UBE3D: variants seen among roughly 807,000 people sequenced by gnomAD.
The protein encoded by UBE3D is ubiquitin protein ligase E3D, also known as E3 ubiquitin-protein ligase E3D.
In UBE3D, 48 loss-of-function variants were observed where a neutral mutation model predicts 49.6. That is an observed-to-expected ratio of 0.97 (90% CI 0.77 to 1.23). The LOEUF (loss-of-function observed/expected upper bound fraction) is 1.23. Among genes scored for constraint, UBE3D ranks in the 50% most tolerant of loss-of-function variants. The pLI is 0.00. For missense variants in UBE3D, 452 were observed against 468.4 expected (o/e 0.96, Z 0.32); for synonymous variants, 189 against 174.2 (o/e 1.08, Z -0.67).
chr6:83,013,064 T>C (rs1200969401), intron 8 of UBE3D, among the ~76,000 whole-genome samples: 1 of 152,182 alleles, frequency 6.6e-6, no homozygotes, highest in Non-Finnish European at 1.5e-5. Context: ...TTTGAGCCAC[T>C]TCCTCATGTA....
chr6:82,887,666 G>A (rs983442847), downstream of UBE3D, among the ~76,000 whole-genome samples: 9 of 149,790 alleles, frequency 6.0e-5, no homozygotes, highest in South Asian at 4.2e-4. Flanking sequence ...CGAAGATGGC[G>A]CCACTGCACT....
chr6:82,887,389 G>GTTTTTGTTTTGTTTT, the UBE3D span, among the ~76,000 whole-genome samples: 9 of 98,368 alleles, frequency 9.1e-5, no homozygotes, highest in African/African-American at 4.6e-4. Flanking sequence ...GACAGTAACA[G>GTTTTTGTTTTGTTTT]TTTTTTTTTT....
chr6:82,920,412 A>G (rs1773241644), intron 9 of UBE3D, among the ~76,000 whole-genome samples: 1 of 152,372 alleles, frequency 6.6e-6, no homozygotes, highest in Non-Finnish European at 1.5e-5. Flanking sequence ...ACATTGATCT[A>G]TAATAGCACC....
At chr6:82,986,709 T>C (rs1194107905) in intron 8 of UBE3D, among the ~76,000 whole-genome samples, 1 of 148,352 alleles carries the variant, frequency 6.7e-6, no homozygotes, top group African/African-American at 2.5e-5. Flanking sequence ...ATTATACATA[T>C]ATTTATATTT....
chr6:82,911,329 G>A (rs967629656), intron 9 of UBE3D, among the ~76,000 whole-genome samples: 2 of 151,516 alleles, frequency 1.3e-5, no homozygotes, highest in African/African-American at 4.9e-5. Flanking sequence ...CTTCCTACAT[G>A]GTAAAGGACC....
At chr6:83,000,073 C>T (rs967382923) in intron 8 of UBE3D, among the ~76,000 whole-genome samples, 1 of 152,182 alleles carries the variant, frequency 6.6e-6, no homozygotes, top group Non-Finnish European at 1.5e-5. Context: ...TATCTCCTTT[C>T]CAGACTCACC....
chr6:83,016,080 C>T (rs1276530315), intron 8 of UBE3D, among the ~76,000 whole-genome samples: 1 of 152,182 alleles, frequency 6.6e-6, no homozygotes, highest in Non-Finnish European at 1.5e-5. Context: ...AGGTCAGCCA[C>T]TCACATGATA....
rs188600553 is a variant in UBE3D at position 82,970,382 on chromosome 6, T to A, written c.1011-12932A>T. Among the ~76,000 whole-genome samples the A allele has an allele frequency of 5.1e-3, 774 of 152,026 alleles. 17 individuals carry two copies. The highest frequency in any genetic ancestry group is 7.9e-3 in the East Asian group (41 of 5,176). Reference sequence around the variant, plus strand: ...AAAATTGTATTGCTAATAAAAAAAATTTTAAATCACAGGCAGAGGGCAGAA... The same window carrying A: ...AAAATTGTATTGCTAATAAAAAAAAATTTAAATCACAGGCAGAGGGCAGAA... On this transcript the variant is annotated intron_variant, in intron 8 of 9. Transcript: ENST00000369747.
At chr6:82,987,889 T>C (rs1287272085) in intron 8 of UBE3D, among the ~76,000 whole-genome samples, 1 of 152,178 alleles carries the variant, frequency 6.6e-6, no homozygotes, top group Non-Finnish European at 1.5e-5. Flanking sequence ...TTACAGCAAT[T>C]AAAACGAATG....
chr6:82,981,304 T>C (rs1320316061), intron 8 of UBE3D, among the ~76,000 whole-genome samples: 3 of 152,130 alleles, frequency 2.0e-5, no homozygotes, highest in African/African-American at 7.2e-5. Context: ...AAAGAATGTA[T>C]GAACACAGCA....
chr6:83,019,845 C>T (rs978348944), intron 7 of UBE3D, among the ~76,000 whole-genome samples: 2 of 152,158 alleles, frequency 1.3e-5, no homozygotes, highest in African/African-American at 4.8e-5. Flanking sequence ...GCTTTCTGTG[C>T]CCCAGGATCA....
downstream of UBE3D, among the ~76,000 whole-genome samples, chr6:82,890,846 T>C (rs919067609): frequency 6.6e-6 from 1 of 152,210 alleles, no homozygotes; most frequent in South Asian, 2.1e-4. Context: ...ACCTTTAGGA[T>C]CTAAATCATA....
chr6:83,041,714 A>T (rs1562218796), intron 4 of UBE3D, among the ~76,000 whole-genome samples: 1 of 152,160 alleles, frequency 6.6e-6, no homozygotes, highest in Non-Finnish European at 1.5e-5. Context: ...TATGGATTTA[A>T]CAAAACAAAT....
chr6:82,969,232 TG>T (rs200534735), intron 8 of UBE3D, among the ~76,000 whole-genome samples: 4 of 4,190 alleles, frequency 9.5e-4, no homozygotes, highest in African/African-American at 2.6e-3. Flanking sequence ...GGGGTGGGGG[TG>T]GGGGTGGGGT....
At chr6:83,026,604 T>C (rs1026173916) in intron 5 of UBE3D, among the ~76,000 whole-genome samples, 1 of 152,126 alleles carries the variant, frequency 6.6e-6, no homozygotes, top group Non-Finnish European at 1.5e-5. Context: ...CCATTTATCA[T>C]TGAAGATGTG....
At chr6:82,884,850 T>C in the UBE3D span, among the ~76,000 whole-genome samples, 1 of 152,152 alleles carries the variant, frequency 6.6e-6, no homozygotes, top group Admixed American at 6.5e-5. Context: ...CCAGTGACAC[T>C]GAACAAAAAG....
chr6:82,900,986 G>A (rs139370922), intron 9 of UBE3D, among the ~76,000 whole-genome samples: 6 of 152,154 alleles, frequency 3.9e-5, no homozygotes, highest in Admixed American at 2.6e-4. Context: ...GTTTAAATAC[G>A]TGATTTATGA....
intron 8 of UBE3D, among the ~76,000 whole-genome samples, chr6:82,992,593 A>G (rs1235806706): frequency 6.6e-6 from 1 of 152,202 alleles, no homozygotes; most frequent in Non-Finnish European, 1.5e-5. Context: ...AATGTGAGCT[A>G]AAAGTAGATG....
chr6:82,997,832 C>T (rs1779350732), intron 8 of UBE3D, among the ~76,000 whole-genome samples: 1 of 152,126 alleles, frequency 6.6e-6, no homozygotes, highest in East Asian at 1.9e-4. Flanking sequence ...ACACAGCAAC[C>T]TGGTTACAGT....
Sources: allele counts gnomAD v4.1 joint callset (sites outside exome capture counted in the v4.1 genomes callset), GRCh38; gene constraint gnomAD v4.1.1; transcripts MANE v1.5; gene names NCBI Gene and HGNC (gene_info 2026-07-23, HGNC 2026-07-21).